The following FLRT2 variants were observed in gnomAD, a reference collection of about 807,000 sequenced individuals.
FLRT2 encodes leucine-rich repeat transmembrane protein FLRT2.
FLRT2 carries 15 observed loss-of-function variants against 40.0 expected under a neutral mutation model. The observed-to-expected ratio is 0.38, with a 90% CI of 0.25 to 0.58. FLRT2 has a LOEUF of 0.58. FLRT2 is among the 20% of genes least tolerant of loss of function. FLRT2 has a pLI of 0.71. For synonymous variants in FLRT2, 380 were observed against 336.8 expected, an observed-to-expected ratio of 1.13 and a Z score of -1.41; for missense variants, 726 against 840.0, an observed-to-expected ratio of 0.86 and a Z score of 1.68.
At chr14:85,535,456 G>A (rs1164096739) in intron 1 of FLRT2, among the ~76,000 whole-genome samples, 3 of 151,866 alleles carry the variant, frequency 2.0e-5, no homozygotes, top group Admixed American at 1.3e-4. Context: ...TTTTAGGTCC[G>A]TATTTGAAGT....
chr14:85,541,114 A>AT (rs1252002360), intron 1 of FLRT2, among the ~76,000 whole-genome samples: 1 of 152,150 alleles, frequency 6.6e-6, no homozygotes, highest in Non-Finnish European at 1.5e-5. Context: ...TTAATTGGTG[A>AT]TTTTCTTTTT....
At chr14:85,542,669 G>A (rs1019299119) in intron 1 of FLRT2, among the ~76,000 whole-genome samples, 7 of 152,148 alleles carry the variant, frequency 4.6e-5, no homozygotes, top group African/African-American at 1.7e-4. Flanking sequence ...AATTCTTTGG[G>A]AAATGGTTTT....
intron 1 of FLRT2, among the ~76,000 whole-genome samples, chr14:85,567,037 A>T (rs1890655020): frequency 6.6e-6 from 1 of 152,210 alleles, no homozygotes; most frequent in Non-Finnish European, 1.5e-5. Flanking sequence ...GGGGAAGGAC[A>T]CATCGGTTAG....
chr14:85,592,789 CAAAAA>C (rs34002874), intron 1 of FLRT2, among the ~76,000 whole-genome samples: 1 of 90,694 alleles, frequency 1.1e-5, no homozygotes, highest in South Asian at 4.5e-4. Context: ...AACTCCGTCT[CAAAAA>C]AAAAAAAAAA....
rs375500299 is a variant in FLRT2 at position 85,649,810 on chromosome 14, G to A, written c.*26313G>A. On this transcript the variant is annotated 3_prime_UTR_variant, in exon 2 of 2. Transcript: ENST00000330753. The stretch of plus-strand genomic sequence containing the variant: ...AGGAGAGAGAGTGTTTTTGGTAAAG[G>A]CAATAAATTATTTTTTAATGTACAT... The A allele has an allele frequency of 2.6e-5, 4 of 151,946 alleles. No homozygotes were observed. The highest frequency in any genetic ancestry group is 7.2e-5 in the African/African-American group (3 of 41,490). 9.4% of individuals were successfully genotyped at this position (151,946 alleles called of 1,614,324 possible).
At position 85,642,609 on chromosome 14, in the gene FLRT2, A is replaced by G. The variant is rs1894177195; in HGVS notation, c.*19112A>G. Reference sequence around the variant, plus strand: ...TTTTATCAGGAGAAATCTGCGGACTATGTATGGCAACAGACTCAAAGGGAG... The same window carrying G: ...TTTTATCAGGAGAAATCTGCGGACTGTGTATGGCAACAGACTCAAAGGGAG... On this transcript the variant is annotated 3_prime_UTR_variant, in exon 2 of 2. Transcript: ENST00000330753. 6.6e-6 allele frequency: 1 copy of G among 152,196 alleles called. No homozygotes were observed. Among genetic ancestry groups the G allele is most frequent in the African/African-American group, 2.4e-5 (1 of 41,446 alleles). The allele number at this position is 152,196 out of a possible 1,614,324, so 9.4% of individuals were successfully genotyped here. A position where few individuals can be genotyped will look rare whatever the true frequency, so the allele number is the denominator to read the frequency against.
intron 1 of FLRT2, among the ~76,000 whole-genome samples, chr14:85,565,878 G>C (rs1162009382): frequency 1.3e-5 from 2 of 152,180 alleles, no homozygotes; most frequent in Non-Finnish European, 2.9e-5. Context: ...TATCTTAATG[G>C]AGAAAACACA....
intron 1 of FLRT2, among the ~76,000 whole-genome samples, chr14:85,554,318 G>T (rs904111569): frequency 4.6e-5 from 7 of 152,198 alleles, no homozygotes; most frequent in Non-Finnish European, 8.8e-5. Flanking sequence ...ATTTATCAGT[G>T]AGTCATCACA....
chr14:85,601,223 A>C (rs1892366534), intron 1 of FLRT2, among the ~76,000 whole-genome samples: 1 of 152,298 alleles, frequency 6.6e-6, no homozygotes, highest in Non-Finnish European at 1.5e-5. Flanking sequence ...CAAGTGAAAT[A>C]ATGTTGCCCT....
intron 1 of FLRT2, among the ~76,000 whole-genome samples, chr14:85,554,826 A>G (rs1289607233): frequency 1.3e-5 from 2 of 152,222 alleles, no homozygotes; most frequent in South Asian, 2.1e-4. Flanking sequence ...CTGTATCATT[A>G]CAGGATGCCC....
At chr14:85,583,457 T>A (rs1454073243) in intron 1 of FLRT2, among the ~76,000 whole-genome samples, 2 of 152,276 alleles carry the variant, frequency 1.3e-5, no homozygotes, top group Non-Finnish European at 2.9e-5. Flanking sequence ...CTCTGTCCCA[T>A]GAACAGAATT....
In FLRT2 at chr14:85,622,720, A is replaced by G. The variant is rs372935745; in HGVS notation, c.1206A>G (p.Thr402=). 3.2e-5 allele frequency: 52 copies of G among 1,613,862 alleles called. No individual in the cohort carries two copies. The highest frequency in any genetic ancestry group is 4.4e-5 in the Non-Finnish European group (52 of 1,179,998). The change falls in exon 2 of 2, where the codon ACA becomes ACG. Residue 402 remains threonine, a synonymous_variant. Transcript: ENST00000330753. Reference sequence around the variant, plus strand: ...GCTACACGCCTCCAACTCCTACCACATCGAAACTTCCCACGATTCCTGACT... The same window carrying G: ...GCTACACGCCTCCAACTCCTACCACGTCGAAACTTCCCACGATTCCTGACT... ...SRSYTPPTPT[T]SKLPTIPDWD... is the part of the protein sequence containing the mutation.
chr14:85,574,234 A>T (rs1891023656), intron 1 of FLRT2, among the ~76,000 whole-genome samples: 1 of 151,386 alleles, frequency 6.6e-6, no homozygotes, highest in African/African-American at 2.4e-5. Flanking sequence ...ATAAATGATA[A>T]TATTTTATAT....
intron 1 of FLRT2, among the ~76,000 whole-genome samples, chr14:85,570,001 G>A (rs1445799995): frequency 3.3e-5 from 5 of 152,268 alleles, no homozygotes; most frequent in African/African-American, 9.6e-5. Context: ...TGGGCATATC[G>A]TCTTTCAGCC....
intron 1 of FLRT2, among the ~76,000 whole-genome samples, chr14:85,569,363 C>A (rs1890789872): frequency 6.6e-6 from 1 of 152,194 alleles, no homozygotes; most frequent in Admixed American, 6.5e-5. Context: ...CTGGTTGCCT[C>A]AGCTGACCAG....
intron 1 of FLRT2, among the ~76,000 whole-genome samples, chr14:85,538,933 C>A (rs1300896651): frequency 1.3e-5 from 2 of 152,068 alleles, no homozygotes; most frequent in Non-Finnish European, 2.9e-5. Flanking sequence ...TTTCCTCTCC[C>A]ACTTTGCTCC....
chr14:85,625,010 G>C lies in FLRT2; in HGVS notation c.*1513G>C, dbSNP rs1893611898. ...AGGACAACCCATGAAAAACAAGTCAGAGAGTGAAGGCTTTTTCCCCTAATC... is the reference window on the plus strand; with the variant it reads ...AGGACAACCCATGAAAAACAAGTCACAGAGTGAAGGCTTTTTCCCCTAATC... On this transcript the variant is annotated 3_prime_UTR_variant, in exon 2 of 2. Coordinates refer to ENST00000330753, the MANE Select transcript of FLRT2 (RefSeq NM_013231.6). 6.0e-6 allele frequency: 1 copy of C among 167,022 alleles called. No homozygotes were observed. Among genetic ancestry groups the C allele is most frequent in the Non-Finnish European group, 1.5e-5 (1 of 68,112 alleles). 10.3% of individuals were successfully genotyped at this position (167,022 alleles called of 1,614,324 possible).
chr14:85,619,864 G>C (rs1012447070), intron 1 of FLRT2, among the ~76,000 whole-genome samples: 1 of 152,336 alleles, frequency 6.6e-6, no homozygotes, highest in Middle Eastern at 3.4e-3. Flanking sequence ...TCTGTGGATT[G>C]CCTTGACTTC....
At chr14:85,573,419 A>G (rs1318772876) in intron 1 of FLRT2, among the ~76,000 whole-genome samples, 1 of 152,156 alleles carries the variant, frequency 6.6e-6, no homozygotes, top group East Asian at 1.9e-4. Flanking sequence ...TTTTAATATT[A>G]TATTAGCTTT....
Sources: gnomAD v4.1 joint callset for allele counts (sites outside exome capture counted in the v4.1 genomes callset) on GRCh38, gnomAD v4.1.1 for gene constraint, MANE v1.5 for transcripts, NCBI Gene and HGNC (gene_info 2026-07-23, HGNC 2026-07-21) for gene names.